MPDZ: variants seen among roughly 807,000 people sequenced by gnomAD.
MPDZ encodes the protein multiple PDZ domain protein.
MPDZ carries 234 observed loss-of-function variants against 239.1 expected under a neutral mutation model. The observed-to-expected ratio is 0.98, with a 90% CI of 0.88 to 1.09. The LOEUF (loss-of-function observed/expected upper bound fraction) is 1.09. Ranked by LOEUF, MPDZ falls within the 50% of genes least tolerant of loss-of-function variation. The probability of loss-of-function intolerance (pLI) is 0.00; values close to 1 mark genes in which losing one functional copy is unlikely to be tolerated. For synonymous variants in MPDZ, 1,048 were observed against 881.3 expected (o/e 1.19, Z -3.35); for missense variants, 3,175 against 2,510.0 (o/e 1.26, Z -5.66).
rs368710215 is a variant in MPDZ at position 13,216,835 on chromosome 9, A to G, written c.1229T>C (p.Ile410Thr). The G allele has an allele frequency of 9.3e-6, 15 of 1,609,950 alleles. No individual in the cohort carries two copies. The African/African-American group carries it at 1.7e-4, about 19-fold the overall frequency. The change falls in exon 10 of 47, where the codon ATT (isoleucine) becomes ACT (threonine). Residue 410 changes from isoleucine (I) to threonine (T), a missense_variant. Ile to Thr is a moderately conservative substitution (Grantham distance 89). Transcript: ENST00000319217. ...LEPSGIFVKS[I>T]TKSSAVEHDG... is the part of the protein sequence containing the mutation. ...ATGCTCAACGGCACTGCTTTTTGTA[A>G]TGCTCTTTACAAAGATTCCTGAAGG...
intron 38 of MPDZ, 128 bp from the exon 39 acceptor site, chr9:13,119,777 G>A (rs951299079): frequency 1.0e-6 from 1 of 960,236 alleles, no homozygotes; most frequent in African/African-American, 1.6e-5. Flanking sequence ...TTGTTATTTG[G>A]AGCAACACTG....
chr9:13,182,539 C>T (rs545142306), intron 19 of MPDZ, among the ~76,000 whole-genome samples: 2 of 151,990 alleles, frequency 1.3e-5, no homozygotes, highest in South Asian at 2.1e-4. Flanking sequence ...TGTTGAATTG[C>T]TTTGCATATC....
rs148274394 is a variant in MPDZ, at chr9:13,184,406, T to A, written c.2482-821A>T. Among the ~76,000 whole-genome samples, 455 of 152,096 alleles carry A rather than the reference T, an allele frequency of 3.0e-3. 2 individuals are homozygous for A. The highest frequency in any genetic ancestry group is 4.4e-3 in the South Asian group (21 of 4,826). Reference sequence around the variant, plus strand: ...TTCTGTCTATCTTGGCAAAATTCCATATGTTCTAATTTTTTTTTTGTAATT... The same window carrying A: ...TTCTGTCTATCTTGGCAAAATTCCAAATGTTCTAATTTTTTTTTTGTAATT... On this transcript the variant is annotated intron_variant, in intron 18 of 46. Coordinates refer to ENST00000319217, the MANE Select transcript of MPDZ (RefSeq NM_001378778.1).
intron 19 of MPDZ, 25 bp from the exon 20 acceptor site, chr9:13,176,442 C>A (rs747869838): frequency 1.6e-5 from 24 of 1,499,836 alleles, no homozygotes; most frequent in East Asian, 1.2e-4. Context: ...ACAACAACAA[C>A]AAAACATGAA....
chr9:13,180,687 T>C (rs1233339531), intron 19 of MPDZ, among the ~76,000 whole-genome samples: 2 of 152,176 alleles, frequency 1.3e-5, no homozygotes, highest in African/African-American at 4.8e-5. Context: ...AAATCAAACA[T>C]AAAATAATAA....
chr9:13,127,263 G>A (rs76761836), intron 32 of MPDZ, among the ~76,000 whole-genome samples: 2 of 152,030 alleles, frequency 1.3e-5, no homozygotes, highest in South Asian at 2.1e-4. Flanking sequence ...TGTCCTTTTG[G>A]GGGGTGAACA....
At position 13,232,737 on chromosome 9, in the gene MPDZ, A is replaced by C. The variant is rs567055455; in HGVS notation, c.184-8154T>G. On this transcript the variant is annotated intron_variant, in intron 3 of 46. Transcript: ENST00000319217. Reference sequence around the variant, plus strand: ...TTAAAAGATACAATTAAAGGAGTGAAAATGCAAAACACAAAGGAGAAAATG... The same window carrying C: ...TTAAAAGATACAATTAAAGGAGTGACAATGCAAAACACAAAGGAGAAAATG... 1.1e-3 allele frequency among the ~76,000 whole-genome samples: 167 copies of C among 151,932 alleles called. 1 individual carries two copies. Among genetic ancestry groups the C allele is most frequent in the South Asian group, 0.011 (51 of 4,822 alleles).
intron 19 of MPDZ, among the ~76,000 whole-genome samples, chr9:13,179,691 T>C (rs1221066813): frequency 6.6e-6 from 1 of 152,168 alleles, no homozygotes; most frequent in Non-Finnish European, 1.5e-5. Context: ...TATATTAATA[T>C]GTGACTTCAC....
intron 23 of MPDZ, among the ~76,000 whole-genome samples, chr9:13,161,554 C>T (rs1300121854): frequency 6.6e-6 from 1 of 151,922 alleles, no homozygotes; most frequent in African/African-American, 2.4e-5. Flanking sequence ...GCCTGGGCAA[C>T]AAGAGTGAAA....
intron 22 of MPDZ, among the ~76,000 whole-genome samples, chr9:13,166,762 G>C (rs1951132286): frequency 1.3e-5 from 2 of 152,048 alleles, no homozygotes; most frequent in Non-Finnish European, 1.5e-5. Flanking sequence ...AAATTCTGCT[G>C]AATCAGTGGG....
chr9:13,201,060 AT>A (rs986906155), intron 12 of MPDZ, among the ~76,000 whole-genome samples: 1 of 151,442 alleles, frequency 6.6e-6, no homozygotes, highest in African/African-American at 2.4e-5. Context: ...CTTCAGGTTT[AT>A]TTTTTTTAAT....
At chr9:13,181,221 T>C (rs1003460228) in intron 19 of MPDZ, among the ~76,000 whole-genome samples, 1 of 152,142 alleles carries the variant, frequency 6.6e-6, no homozygotes, top group Admixed American at 6.6e-5. Context: ...GGCATCTTTG[T>C]TTTTCTTAAA....
intron 18 of MPDZ, among the ~76,000 whole-genome samples, chr9:13,185,273 T>C (rs894161340): frequency 2.0e-5 from 3 of 152,052 alleles, no homozygotes; most frequent in Non-Finnish European, 4.4e-5. Context: ...GAGCTTGCAA[T>C]TTAAAAATAT....
At chr9:13,235,151 G>T (rs1307256025) in intron 3 of MPDZ, among the ~76,000 whole-genome samples, 2 of 152,024 alleles carry the variant, frequency 1.3e-5, no homozygotes, top group Non-Finnish European at 2.9e-5. Flanking sequence ...AATTGATGGT[G>T]GCACTCTGAT....
intron 8 of MPDZ, among the ~76,000 whole-genome samples, chr9:13,218,072 AGCT>A (rs1270323126): frequency 2.0e-5 from 3 of 151,888 alleles, no homozygotes; most frequent in Non-Finnish European, 2.9e-5. Flanking sequence ...AAGAAATCAA[AGCT>A]ATAGATTCTA....
At chr9:13,158,869 AT>A (rs1277356562) in intron 23 of MPDZ, among the ~76,000 whole-genome samples, 1 of 152,212 alleles carries the variant, frequency 6.6e-6, no homozygotes, top group Admixed American at 6.6e-5. Flanking sequence ...CTTTGTATCA[AT>A]AAATGAGGCT....
In MPDZ at chr9:13,137,959, C is replaced by A. The variant is rs1490841403; in HGVS notation, c.4198G>T (p.Glu1400Ter). The change falls in exon 29 of 47, where the codon GAG becomes TAG. Residue 1400 changes from glutamate to a stop codon, truncating the protein, a stop_gained and splice_region_variant. Coordinates refer to ENST00000319217, the MANE Select transcript of MPDZ (RefSeq NM_001378778.1). LOFTEE classifies it high-confidence loss of function. ...CAAAATTTTCCACAAAAACTTACCT[C>A]TAGAAGCTCATCTGCAATTTGCAAT... ...GRLQIADELLEINGQILYGRS... is the reference protein window; with the variant it reads ...GRLQIADELL 2 of 1,613,578 alleles carry A rather than the reference C, an allele frequency of 1.2e-6. No individual in the cohort carries two copies. The highest frequency in any genetic ancestry group is 2.7e-5 in the African/African-American group (2 of 74,932).
At chr9:13,214,782 G>A (rs1194875122) in intron 10 of MPDZ, among the ~76,000 whole-genome samples, 1 of 151,944 alleles carries the variant, frequency 6.6e-6, no homozygotes, top group Non-Finnish European at 1.5e-5. Flanking sequence ...ATGGTAAAAT[G>A]GAGATACACA....
intron 13 of MPDZ, 21 bp from the exon 14 acceptor site, chr9:13,193,334 A>T: frequency 6.4e-7 from 1 of 1,566,082 alleles, no homozygotes; most frequent in Middle Eastern, 1.7e-4. Context: ...AAAAAAAAAG[A>T]TCACCACAAT....
Sources: allele counts gnomAD v4.1 joint callset (sites outside exome capture counted in the v4.1 genomes callset), GRCh38; gene constraint gnomAD v4.1.1; transcripts MANE v1.5; gene names NCBI Gene and HGNC (gene_info 2026-07-23, HGNC 2026-07-21).